Variants in NCALD observed in about 807,000 individuals in gnomAD.
NCALD encodes the protein neurocalcin delta.
A neutral mutation model predicts 18.6 loss-of-function variants in NCALD; 10 were observed. The ratio of observed to expected loss-of-function variants is 0.54; its 90% confidence interval spans 0.33 to 0.91. The LOEUF (loss-of-function observed/expected upper bound fraction) is 0.91, where lower values mean the gene tolerates loss of function less well. Among genes scored for constraint, NCALD ranks in the 40% least tolerant of loss-of-function variants. The probability of loss-of-function intolerance (pLI) is 0.03; values close to 1 mark genes in which losing one functional copy is unlikely to be tolerated. For synonymous variants in NCALD, 88 were observed against 87.4 expected, an observed-to-expected ratio of 1.01 and a Z score of -0.04; for missense variants, 184 against 247.6, an observed-to-expected ratio of 0.74 and a Z score of 1.72.
chr8:101,843,100 A>C (rs1247330480), intron 4 of NCALD, among the ~76,000 whole-genome samples: 1 of 152,176 alleles, frequency 6.6e-6, no homozygotes, highest in Non-Finnish European at 1.5e-5. Context: ...ATAAACATAT[A>C]ATATGTATTT....
At chr8:101,730,343 G>C (rs1290770003) in intron 1 of NCALD, among the ~76,000 whole-genome samples, 2 of 151,864 alleles carry the variant, frequency 1.3e-5, no homozygotes, top group African/African-American at 4.8e-5. Context: ...AGCCAGGGGT[G>C]GTGGTGCAAG....
intron 1 of NCALD, among the ~76,000 whole-genome samples, chr8:101,771,759 T>C (rs1657254687): frequency 6.6e-6 from 1 of 152,240 alleles, no homozygotes; most frequent in Non-Finnish European, 1.5e-5. Flanking sequence ...TTATTATTCT[T>C]AGTTTCATAC....
At chr8:101,945,758 T>A (rs967276588) in intron 2 of NCALD, among the ~76,000 whole-genome samples, 1 of 152,246 alleles carries the variant, frequency 6.6e-6, no homozygotes, top group African/African-American at 2.4e-5. Context: ...GACATTGTCC[T>A]CAATCCCTGC....
intron 3 of NCALD, among the ~76,000 whole-genome samples, chr8:101,892,988 A>C (rs373795751): frequency 7.1e-6 from 1 of 141,796 alleles, no homozygotes; most frequent in East Asian, 1.9e-4. Flanking sequence ...GCAGGCCAAC[A>C]TTCAGATTCA....
At chr8:101,897,933 G>A (rs971659103) in intron 3 of NCALD, among the ~76,000 whole-genome samples, 7 of 152,176 alleles carry the variant, frequency 4.6e-5, no homozygotes, top group East Asian at 3.8e-4. Flanking sequence ...TCACAGGGGC[G>A]GTTCCCCCAA....
intron 4 of NCALD, among the ~76,000 whole-genome samples, chr8:101,882,249 T>C (rs536306193): frequency 3.8e-4 from 58 of 152,306 alleles, no homozygotes; most frequent in African/African-American, 1.3e-3. Flanking sequence ...AATGTTTGTG[T>C]CTGCCTCCCT....
chr8:101,952,658 A>G (rs555982468), intron 2 of NCALD, among the ~76,000 whole-genome samples: 13 of 152,310 alleles, frequency 8.5e-5, no homozygotes, highest in Admixed American at 8.5e-4. Flanking sequence ...CCTGAAGGCA[A>G]ATTTCACACC....
chr8:101,730,142 T>C (rs7828300), intron 1 of NCALD, among the ~76,000 whole-genome samples: 84,618 of 152,004 alleles, frequency 0.56, 26,598 homozygotes, highest in African/African-American at 0.84. Context: ...ATACTCTAAC[T>C]ATAAACAGGA....
intron 2 of NCALD, among the ~76,000 whole-genome samples, chr8:101,999,905 G>A (rs1480168880): frequency 1.3e-5 from 2 of 152,120 alleles, no homozygotes; most frequent in African/African-American, 4.8e-5. Flanking sequence ...AGTTGGGGGT[G>A]GAACCAAGAT....
chr8:102,067,563 AATC>A (rs1489113382), intron 1 of NCALD, among the ~76,000 whole-genome samples: 1 of 152,206 alleles, frequency 6.6e-6, no homozygotes, highest in African/African-American at 2.4e-5. Flanking sequence ...TATCTTTCTG[AATC>A]ATCATAACTG....
intron 3 of NCALD, among the ~76,000 whole-genome samples, chr8:101,896,654 C>G (rs1424851636): frequency 4.6e-5 from 7 of 151,528 alleles, no homozygotes; most frequent in Non-Finnish European, 1.5e-5. Flanking sequence ...ACAATGAACT[C>G]AAACAAATTT....
At chr8:101,891,262 A>G (rs1816866597) in intron 3 of NCALD, among the ~76,000 whole-genome samples, 1 of 152,312 alleles carries the variant, frequency 6.6e-6, no homozygotes, top group Non-Finnish European at 1.5e-5. Flanking sequence ...TTTTATAGTT[A>G]TACTCACCCC....
chr8:101,931,202 C>G (rs1818559135), intron 2 of NCALD, among the ~76,000 whole-genome samples: 1 of 152,098 alleles, frequency 6.6e-6, no homozygotes, highest in South Asian at 2.1e-4. Context: ...AACATCCACC[C>G]CAGGTGAAAA....
At chr8:101,868,990 G>A (rs1277297992) in intron 4 of NCALD, among the ~76,000 whole-genome samples, 1 of 152,192 alleles carries the variant, frequency 6.6e-6, no homozygotes, top group Non-Finnish European at 1.5e-5. Flanking sequence ...CCACTCCTAG[G>A]ACCTGTGTGA....
At chr8:101,870,903 C>A (rs1159059131) in intron 4 of NCALD, among the ~76,000 whole-genome samples, 3 of 82,612 alleles carry the variant, frequency 3.6e-5, no homozygotes, top group African/African-American at 5.0e-5. Flanking sequence ...CCCCACCCCC[C>A]CCCCCCAAAA....
intron 1 of NCALD, among the ~76,000 whole-genome samples, chr8:102,080,246 C>T (rs1198581242): frequency 6.6e-6 from 1 of 152,182 alleles, no homozygotes; most frequent in African/African-American, 2.4e-5. Flanking sequence ...TCCGTACAAC[C>T]CCAAGCAAAT....
intron 2 of NCALD, among the ~76,000 whole-genome samples, chr8:101,986,910 G>A (rs971505431): frequency 6.6e-6 from 1 of 152,198 alleles, no homozygotes. Context: ...AATGTGAGGG[G>A]AGCGAAGACT....
chr8:101,740,997 G>A (rs1810161190), intron 1 of NCALD, among the ~76,000 whole-genome samples: 2 of 152,218 alleles, frequency 1.3e-5, no homozygotes, highest in Admixed American at 6.5e-5. Flanking sequence ...TAGAATCAGT[G>A]TAAAAAAATT....
At chr8:101,895,232 C>T (rs1320182989) in intron 3 of NCALD, among the ~76,000 whole-genome samples, 3 of 145,742 alleles carry the variant, frequency 2.1e-5, no homozygotes, top group African/African-American at 8.3e-5. Flanking sequence ...TAAATGTAAT[C>T]CAGCATATAA....
Sources: allele counts gnomAD v4.1 joint callset (sites outside exome capture counted in the v4.1 genomes callset), GRCh38; gene constraint gnomAD v4.1.1; transcripts MANE v1.5; gene names NCBI Gene and HGNC (gene_info 2026-07-23, HGNC 2026-07-21).